The following DTNA variants were observed in gnomAD, a reference collection of about 807,000 sequenced individuals.
DTNA encodes dystrobrevin alpha, also known as dystrophin-related protein 3.
In DTNA, 43 loss-of-function variants were observed where a neutral mutation model predicts 100.7. The ratio of observed to expected loss-of-function variants is 0.43; its 90% CI spans 0.33 to 0.55. DTNA has a LOEUF of 0.55. Ranked by LOEUF, DTNA falls within the 20% of genes least tolerant of loss-of-function variation. The pLI is 0.04. For synonymous variants in DTNA, 349 were observed against 347.9 expected (o/e 1.00, Z -0.04); for missense variants, 798 against 953.9 (o/e 0.84, Z 2.15).
intron 11 of DTNA, among the ~76,000 whole-genome samples, chr18:34,829,940 T>C (rs777632665): frequency 2.6e-5 from 4 of 152,252 alleles, no homozygotes; most frequent in Non-Finnish European, 5.9e-5. Flanking sequence ...TCTGTCCTAT[T>C]GGACCTGGTC....
chr18:34,869,894 G>A (rs1392691596), intron 17 of DTNA, among the ~76,000 whole-genome samples: 1 of 152,112 alleles, frequency 6.6e-6, no homozygotes, highest in Admixed American at 6.5e-5. Context: ...GGTGGCAGGC[G>A]CCTGTAGTCC....
intron 4 of DTNA, among the ~76,000 whole-genome samples, chr18:34,803,064 A>G (rs1186179239): frequency 6.6e-6 from 1 of 152,238 alleles, no homozygotes; most frequent in East Asian, 1.9e-4. Context: ...CAAACCGCAT[A>G]AATATTTATC....
chr18:34,583,239 G>A (rs2048808952), intron 1 of DTNA, among the ~76,000 whole-genome samples: 1 of 152,158 alleles, frequency 6.6e-6, no homozygotes, highest in Non-Finnish European at 1.5e-5. Flanking sequence ...CTGTCTGATA[G>A]AAATAATTAC....
At chr18:34,759,068 A>C (rs2092969831) in intron 2 of DTNA, among the ~76,000 whole-genome samples, 1 of 152,210 alleles carries the variant, frequency 6.6e-6, no homozygotes, top group Admixed American at 6.5e-5. Context: ...ACTTTGATTT[A>C]AGAAATTCTG....
intron 1 of DTNA, among the ~76,000 whole-genome samples, chr18:34,616,856 T>C (rs1395388462): frequency 1.3e-5 from 2 of 152,180 alleles, no homozygotes; most frequent in Non-Finnish European, 2.9e-5. Flanking sequence ...TGGCTAGCTG[T>C]ATTCTTAGGT....
chr18:34,522,279 G>A (rs1568583750), intron 1 of DTNA, among the ~76,000 whole-genome samples: 1 of 152,054 alleles, frequency 6.6e-6, no homozygotes, highest in African/African-American at 2.4e-5. Flanking sequence ...TTGGCTTTGG[G>A]GCTTTCAGAT....
At chr18:34,735,117 G>A (rs990122822) in intron 1 of DTNA, among the ~76,000 whole-genome samples, 1 of 152,048 alleles carries the variant, frequency 6.6e-6, no homozygotes, top group Non-Finnish European at 1.5e-5. Context: ...TGTAAGGAGA[G>A]CCAGTCCAAG....
intron 1 of DTNA, among the ~76,000 whole-genome samples, chr18:34,590,145 A>G (rs550543055): frequency 6.6e-6 from 1 of 152,262 alleles, no homozygotes; most frequent in South Asian, 2.1e-4. Flanking sequence ...TATATTTTTA[A>G]GTTGATTGGC....
intron 1 of DTNA, among the ~76,000 whole-genome samples, chr18:34,665,225 G>A (rs1205804365): frequency 6.6e-6 from 1 of 151,692 alleles, no homozygotes; most frequent in Non-Finnish European, 1.5e-5. Context: ...CCCATATTTT[G>A]CACACAAATA....
chr18:34,524,035 G>A (rs1383064888), intron 1 of DTNA, among the ~76,000 whole-genome samples: 2 of 152,132 alleles, frequency 1.3e-5, no homozygotes, highest in Non-Finnish European at 1.5e-5. Context: ...TGCCTAGTGT[G>A]TGTTAAATTA....
intron 17 of DTNA, among the ~76,000 whole-genome samples, chr18:34,869,736 C>T (rs2096744758): frequency 6.6e-6 from 1 of 152,136 alleles, no homozygotes; most frequent in South Asian, 2.1e-4. Flanking sequence ...AAGGATAAAA[C>T]TAAGGCCGTG....
intron 1 of DTNA, among the ~76,000 whole-genome samples, chr18:34,741,099 A>G (rs1601213854): frequency 6.6e-6 from 1 of 152,196 alleles, no homozygotes. Context: ...CGTATTGTAT[A>G]TCACTTTGTC....
chr18:34,890,110 C>T lies in DTNA; in HGVS notation c.*2376C>T, dbSNP rs970502899. The T allele has an allele frequency of 7.1e-7, 1 of 1,402,766 alleles. No homozygotes were observed. The highest frequency in any genetic ancestry group is 1.4e-5 in the African/African-American group (1 of 69,256). The allele number at this position is 1,402,766 out of a possible 1,614,324, so 86.9% of individuals were successfully genotyped here. A position where few individuals can be genotyped will look rare whatever the true frequency, so the allele number is the denominator to read the frequency against. On this transcript the variant is annotated 3_prime_UTR_variant, in exon 23 of 23. Transcript: ENST00000444659. ...TGGCATATGTTGTTTCTTTGTGTTT[C>T]TACATCAAAATGTTCGTCTAAGATT...
intron 6 of DTNA, 177 bp from the exon 7 acceptor site, chr18:34,815,731 CA>C: frequency 1.6e-6 from 1 of 607,352 alleles, no homozygotes; most frequent in East Asian, 3.0e-5. Flanking sequence ...GTATAAAAAG[CA>C]AACGATGTTT....
At chr18:34,649,973 A>G (rs541776408) in intron 1 of DTNA, among the ~76,000 whole-genome samples, 2 of 152,142 alleles carry the variant, frequency 1.3e-5, no homozygotes, top group Non-Finnish European at 2.9e-5. Context: ...TTTGCCTTCA[A>G]ATTCCAAGCT....
Position 34,889,422 on chromosome 18 carries a change from C to T in DTNA, c.*1688C>T. ...GCTCGCTAAAGGTTGAGAACTACTG[C>T]TTTAGAATGAAGTCGTATAATAAAG... On this transcript the variant is annotated 3_prime_UTR_variant, in exon 23 of 23. Transcript: ENST00000444659. 1.0e-6 allele frequency: 1 copy of T among 985,388 alleles called. No homozygotes were observed. The highest frequency in any genetic ancestry group is 1.2e-6 in the Non-Finnish European group (1 of 829,932). 61.0% of individuals were successfully genotyped at this position (985,388 alleles called of 1,614,324 possible).
chr18:34,661,228 A>G lies in DTNA; in HGVS notation c.-1-94748A>G, dbSNP rs530815330. Among the ~76,000 whole-genome samples, 4 of 152,360 alleles carry G rather than the reference A, an allele frequency of 2.6e-5. No individual in the cohort carries two copies. In the South Asian group the frequency reaches 8.3e-4, roughly 32 times the overall value. On this transcript the variant is annotated intron_variant, in intron 1 of 19. Coordinates refer to the DTNA transcript ENST00000283365. The stretch of plus-strand genomic sequence containing the variant: ...GCTCTCCATTAATTAATAAGAGCTA[A>G]GGTACTATTAAATACTTAAAACAGG...
At chr18:34,696,483 C>G (rs2080562870) in intron 1 of DTNA, among the ~76,000 whole-genome samples, 1 of 152,112 alleles carries the variant, frequency 6.6e-6, no homozygotes, top group South Asian at 2.1e-4. Flanking sequence ...GGAGCTGAGG[C>G]AAGAGAATCA....
chr18:34,684,906 G>A (rs2078655964), intron 1 of DTNA, among the ~76,000 whole-genome samples: 2 of 152,188 alleles, frequency 1.3e-5, no homozygotes, highest in South Asian at 4.1e-4. Context: ...CAGTGATGAT[G>A]AGCTTCTTTT....
Sources: gnomAD v4.1 joint callset for allele counts (sites outside exome capture counted in the v4.1 genomes callset) on GRCh38, gnomAD v4.1.1 for gene constraint, MANE v1.5 for transcripts, NCBI Gene and HGNC (gene_info 2026-07-23, HGNC 2026-07-21) for gene names.